KIRREL3: variants seen among roughly 807,000 people sequenced by gnomAD.
KIRREL3 encodes the protein kin of IRRE-like protein 3.
A neutral mutation model predicts 89.7 loss-of-function variants in KIRREL3; 36 were observed. That is an observed-to-expected ratio of 0.40 (90% CI 0.31 to 0.53). The LOEUF is 0.53. Among genes scored for constraint, KIRREL3 ranks in the 20% least tolerant of loss-of-function variants. The probability of loss-of-function intolerance (pLI) is 0.49; values close to 1 mark genes in which losing one functional copy is unlikely to be tolerated. For synonymous variants in KIRREL3, 445 were observed against 441.4 expected (o/e 1.01, Z -0.10); for missense variants, 864 against 1,056.6 (o/e 0.82, Z 2.53).
At chr11:126,585,831 G>GT (rs1313128125) in intron 1 of KIRREL3, among the ~76,000 whole-genome samples, 4 of 152,246 alleles carry the variant, frequency 2.6e-5, no homozygotes, top group Non-Finnish European at 4.4e-5. Flanking sequence ...CGTCGCTCTC[G>GT]TTAAGTTCCA....
At position 126,843,396 on chromosome 11, in the gene KIRREL3, G is replaced by A. The variant is rs556088516; in HGVS notation, c.55+157059C>T. On this transcript the variant is annotated intron_variant, in intron 1 of 16. Transcript: ENST00000525144. The surrounding 1 kb of genome is among the most constrained non-coding windows in gnomAD (Gnocchi z 4.6). ...TTCCAGTGAGTGAGATTTCATGGGA[G>A]GTTGGAGTGGGTGAGCTCACTCACT... 6.6e-6 allele frequency among the ~76,000 whole-genome samples: 1 copy of A among 152,228 alleles called. No individual in the cohort carries two copies. Among genetic ancestry groups the A allele is most frequent in the African/African-American group, 2.4e-5 (1 of 41,536 alleles).
At chr11:126,770,214 T>G (rs750018639) in intron 1 of KIRREL3, among the ~76,000 whole-genome samples, 4 of 152,156 alleles carry the variant, frequency 2.6e-5, no homozygotes, top group Non-Finnish European at 4.4e-5. Flanking sequence ...GCTTCTTCAG[T>G]TACAAGCAGA....
rs1438449400 is a variant in KIRREL3, at chr11:126,429,242, A to T, written c.1743T>A (p.Ile581=). The T allele has an allele frequency of 6.2e-7, 1 of 1,613,942 alleles. No individual in the cohort carries two copies. The highest frequency in any genetic ancestry group is 1.7e-5 in the Admixed American group (1 of 60,016). The change falls in exon 15 of 17, where the codon ATT becomes ATA. Residue 581 remains isoleucine (I), a synonymous_variant. Transcript: ENST00000525144. The surrounding 1 kb of genome is among the most constrained non-coding windows in gnomAD (Gnocchi z 5.2). ...VSAKNDIRVE[I]VHKEPASGRE... ...GACCAGAGGCTGGTTCCTTGTGGAC[A>T]ATTTCCACTCGGATATCATTTTTGG...
In KIRREL3 at chr11:126,772,400, G is replaced by A. The variant is rs530483929; in HGVS notation, c.56-209488C>T. On this transcript the variant is annotated intron_variant, in intron 1 of 16. Coordinates refer to ENST00000525144, the MANE Select transcript of KIRREL3 (RefSeq NM_032531.4). This position sits in a 1 kb window ranked among gnomAD's most constrained non-coding sequence, Gnocchi z 4.6. ...AATGCCAGGCTCAGCGGCACCACGT[G>A]GTGCGGGGATGGCTTATAATTTGAG... Among the ~76,000 whole-genome samples, 1 of 152,298 alleles carries A rather than the reference G, an allele frequency of 6.6e-6. No homozygotes were observed. The highest frequency in any genetic ancestry group is 2.1e-4 in the South Asian group (1 of 4,828).
rs1020808161 is a variant in KIRREL3, at chr11:126,954,520, C to T, written c.55+45935G>A. 2.0e-5 allele frequency among the ~76,000 whole-genome samples: 3 copies of T among 151,974 alleles called. No homozygotes were observed. The highest frequency in any genetic ancestry group is 1.9e-4 in the East Asian group (1 of 5,154). ...TCTATCTCCCTCCTCCCCATCCCCT[C>T]GTCCTCCTCTAGGCCTTTATCCAAG... On this transcript the variant is annotated intron_variant, in intron 1 of 16. Transcript: ENST00000525144. This position sits in a 1 kb window ranked among gnomAD's most constrained non-coding sequence, Gnocchi z 4.1.
chr11:126,861,173 G>T (rs1345115493), intron 1 of KIRREL3, among the ~76,000 whole-genome samples: 1 of 152,154 alleles, frequency 6.6e-6, no homozygotes, highest in East Asian at 1.9e-4. Context: ...CTCTTTGAAG[G>T]CTTGGTGTCA....
At chr11:126,925,244 T>G (rs991642067) in intron 1 of KIRREL3, among the ~76,000 whole-genome samples, 2 of 152,158 alleles carry the variant, frequency 1.3e-5, no homozygotes, top group African/African-American at 4.8e-5. Context: ...CCCAGGCTGT[T>G]GGTGCCGTGG....
At chr11:126,695,386 G>T (rs1396824823) in intron 1 of KIRREL3, among the ~76,000 whole-genome samples, 1 of 121,572 alleles carries the variant, frequency 8.2e-6, no homozygotes, top group Non-Finnish European at 1.6e-5. Flanking sequence ...AGATCCCAAA[G>T]CCATTGGGAT....
intron 2 of KIRREL3, among the ~76,000 whole-genome samples, chr11:126,533,969 A>G (rs1959021822): frequency 6.6e-6 from 1 of 152,144 alleles, no homozygotes; most frequent in Non-Finnish European, 1.5e-5. Context: ...GGGAAGCGTG[A>G]CCTGGAATGG....
At chr11:126,910,644 T>G (rs982572200) in intron 1 of KIRREL3, among the ~76,000 whole-genome samples, 2 of 152,154 alleles carry the variant, frequency 1.3e-5, no homozygotes, top group East Asian at 3.9e-4. Flanking sequence ...GATGAGGAAA[T>G]CGGGCAAGTT....
chr11:126,482,706 GCCCTGCTGGGAGCTGGGTGAAGA>G (rs1957255419), intron 4 of KIRREL3, among the ~76,000 whole-genome samples: 1 of 152,296 alleles, frequency 6.6e-6, no homozygotes, highest in Admixed American at 6.5e-5. Flanking sequence ...TCCCTGCTTT[GCCCTGCTGGGAGCTGGGTGAAGA>G]CCCTGCTGCT....
intron 2 of KIRREL3, among the ~76,000 whole-genome samples, chr11:126,536,642 CTTTTTTTTT>C (rs145142970): frequency 1.3e-5 from 1 of 77,164 alleles, no homozygotes. Flanking sequence ...CTGGGCAATG[CTTTTTTTTT>C]TTTTTTTTTT....
chr11:126,769,479 C>T lies in KIRREL3; in HGVS notation c.56-206567G>A, dbSNP rs186724973. Among the ~76,000 whole-genome samples, 210 of 152,302 alleles carry T rather than the reference C, an allele frequency of 1.4e-3. No individual in the cohort carries two copies. The highest frequency in any genetic ancestry group is 4.7e-3 in the African/African-American group (194 of 41,566). ...GGGCCCACTCCCCGTGAAAACCGTG[C>T]ACTCCTGTCTTCTCTCTAACAGTTA... On this transcript the variant is annotated intron_variant, in intron 1 of 16. Transcript: ENST00000525144. This position sits in a 1 kb window ranked among gnomAD's most constrained non-coding sequence, Gnocchi z 4.3.
chr11:126,503,241 G>A (rs531044641), intron 4 of KIRREL3, among the ~76,000 whole-genome samples: 29 of 152,280 alleles, frequency 1.9e-4, no homozygotes, highest in African/African-American at 5.8e-4. Flanking sequence ...GGTGGGGGGC[G>A]TCCGAGCCTG....
chr11:126,603,316 C>A lies in KIRREL3; in HGVS notation c.56-40404G>T, dbSNP rs564627205. 6.6e-5 allele frequency among the ~76,000 whole-genome samples: 10 copies of A among 152,316 alleles called. No homozygotes were observed. In the South Asian group the frequency reaches 2.1e-3, roughly 32 times the overall value. On this transcript the variant is annotated intron_variant, in intron 1 of 16. Coordinates refer to ENST00000525144, the MANE Select transcript of KIRREL3 (RefSeq NM_032531.4). Reference sequence around the variant, plus strand: ...CTCCTGGCATCATCTCACAGCAACTCGTTTGGGGAGAAATACCTCCCTCCG... The same window carrying A: ...CTCCTGGCATCATCTCACAGCAACTAGTTTGGGGAGAAATACCTCCCTCCG...
chr11:126,612,968 G>A lies in KIRREL3; in HGVS notation c.56-50056C>T, dbSNP rs1394601063. 3.3e-5 allele frequency among the ~76,000 whole-genome samples: 5 copies of A among 152,134 alleles called. No individual in the cohort carries two copies. Among genetic ancestry groups the A allele is most frequent in the Admixed American group, 1.3e-4 (2 of 15,266 alleles). On this transcript the variant is annotated intron_variant, in intron 1 of 16. Coordinates refer to ENST00000525144, the MANE Select transcript of KIRREL3 (RefSeq NM_032531.4). The surrounding 1 kb of genome is among the most constrained non-coding windows in gnomAD (Gnocchi z 4.5). The stretch of plus-strand genomic sequence containing the variant: ...ATCTGTGTAAAGTTTTTGTGTGAAC[G>A]TATGTTTTCAGTACTCTTGGGTATA...
At chr11:126,793,327 G>C (rs796599235) in intron 1 of KIRREL3, among the ~76,000 whole-genome samples, 12 of 152,338 alleles carry the variant, frequency 7.9e-5, no homozygotes, top group African/African-American at 1.7e-4. Context: ...AGGTTGTAGT[G>C]CTGAACAGTG....
chr11:126,425,598 G>C, intron 16 of KIRREL3, 40 bp downstream of exon 16: 1 of 1,494,448 alleles, frequency 6.7e-7, no homozygotes, highest in Non-Finnish European at 9.2e-7. Flanking sequence ...CTAAAGACCA[G>C]ATTCCATGGC....
rs930941145 is a variant in KIRREL3 at position 126,954,628 on chromosome 11, T to C, written c.55+45827A>G. Among the ~76,000 whole-genome samples, 11 of 152,024 alleles carry C rather than the reference T, an allele frequency of 7.2e-5. No individual in the cohort carries two copies. Among genetic ancestry groups the C allele is most frequent in the African/African-American group, 1.9e-4 (8 of 41,456 alleles). ...GAGCATCTTCCCAAACCCTACAAGA[T>C]GGCTTGATTCACAACACTATATTTC... On this transcript the variant is annotated intron_variant, in intron 1 of 16. Transcript: ENST00000525144. This position sits in a 1 kb window ranked among gnomAD's most constrained non-coding sequence, Gnocchi z 4.1.
Sources: gnomAD v4.1 joint callset for allele counts (sites outside exome capture counted in the v4.1 genomes callset) on GRCh38, gnomAD v4.1.1 for gene constraint, Gnocchi (gnomAD v3.1) non-coding constraint, MANE v1.5 for transcripts, NCBI Gene and HGNC (gene_info 2026-07-23, HGNC 2026-07-21) for gene names.